The following DMXL1 variants were observed in gnomAD, a reference collection of about 807,000 sequenced individuals.
DMXL1 encodes the protein dmX-like protein 1.
DMXL1 carries 99 observed loss-of-function variants against 319.2 expected under a neutral mutation model. That is an observed-to-expected ratio of 0.31 (90% CI 0.26 to 0.37). The LOEUF (loss-of-function observed/expected upper bound fraction) is 0.37, where lower values mean the gene tolerates loss of function less well. Among genes scored for constraint, DMXL1 ranks in the 10% least tolerant of loss-of-function variants. The pLI is 1.00. For missense variants in DMXL1, 3,745 were observed against 3,595.6 expected (o/e 1.04, Z -1.06); for synonymous variants, 1,385 against 1,235.2 (o/e 1.12, Z -2.54).
intron 42 of DMXL1, among the ~76,000 whole-genome samples, chr5:119,244,094 C>A (rs764483470): frequency 2.6e-5 from 4 of 152,150 alleles, no homozygotes; most frequent in African/African-American, 9.7e-5. Flanking sequence ...ACCAGGGTTC[C>A]TCTCCTGGTG....
intron 30 of DMXL1, among the ~76,000 whole-genome samples, chr5:119,195,396 A>T (rs945912479): frequency 6.6e-6 from 1 of 152,236 alleles, no homozygotes; most frequent in East Asian, 1.9e-4. Flanking sequence ...TGTACGTTCA[A>T]CGGAGTATTA....
At chr5:119,099,782 C>T (rs1349143260) in intron 2 of DMXL1, among the ~76,000 whole-genome samples, 4 of 152,178 alleles carry the variant, frequency 2.6e-5, no homozygotes, top group Middle Eastern at 3.4e-3. Flanking sequence ...GTGGGCAAAT[C>T]GCTTGAGACC....
intron 1 of DMXL1, among the ~76,000 whole-genome samples, chr5:119,072,649 AT>A (rs1245836022): frequency 6.6e-6 from 1 of 152,168 alleles, no homozygotes; most frequent in African/African-American, 2.4e-5. Flanking sequence ...TCTGCTTTTA[AT>A]TTTTCTGTGG....
rs748969543 is a variant in DMXL1 at position 119,071,616 on chromosome 5, A to G, written c.47A>G (p.His16Arg). Reference sequence around the variant, plus strand: ...ACCGGGGCTGTGAACCCTGGCGACCACTGCTTCTCCGTGGGCAGCATTGGC... The same window carrying G: ...ACCGGGGCTGTGAACCCTGGCGACCGCTGCTTCTCCGTGGGCAGCATTGGC... ...VLTGAVNPGD[H>R]CFSVGSIGDQ... Residue 16 changes from histidine to arginine, a missense_variant, in exon 1 of 44, where the codon CAC (histidine) becomes CGC (arginine). Physicochemically the swap from His to Arg is conservative, Grantham distance 29. Transcript: ENST00000539542. 2.3e-5 allele frequency: 37 copies of G among 1,604,502 alleles called. No individual in the cohort carries two copies. The African/African-American group carries it at 3.6e-4, about 16-fold the overall frequency.
At chr5:119,086,992 A>G (rs971892454) in intron 1 of DMXL1, among the ~76,000 whole-genome samples, 2 of 151,924 alleles carry the variant, frequency 1.3e-5, no homozygotes, top group African/African-American at 4.8e-5. Context: ...TTGCTGGTAT[A>G]TGGTTGTTCA....
At chr5:119,229,374 C>G (rs1786224452) in intron 38 of DMXL1, among the ~76,000 whole-genome samples, 1 of 152,078 alleles carries the variant, frequency 6.6e-6, no homozygotes, top group Non-Finnish European at 1.5e-5. Context: ...CAAGAGAAAA[C>G]CAATACTCCA....
At chr5:119,196,260 G>C in intron 30 of DMXL1, 111 bp from the exon 31 acceptor site, 1 of 777,938 alleles carries the variant, frequency 1.3e-6, no homozygotes, top group Non-Finnish European at 2.3e-6. Context: ...TTTCATAGAG[G>C]GGTATGTTCA....
intron 34 of DMXL1, among the ~76,000 whole-genome samples, chr5:119,213,255 AT>A (rs1783111844): frequency 6.6e-6 from 1 of 152,084 alleles, no homozygotes; most frequent in South Asian, 2.1e-4. Context: ...GTCAGCAGTG[AT>A]TTAGCCTAAC....
At chr5:119,131,812 A>C (rs539020874) in intron 10 of DMXL1, among the ~76,000 whole-genome samples, 8 of 152,194 alleles carry the variant, frequency 5.3e-5, no homozygotes, top group African/African-American at 1.9e-4. Context: ...AGTTACTTTT[A>C]ATGCAGAGCC....
chr5:119,149,234 C>G lies in DMXL1; in HGVS notation c.3407C>G (p.Thr1136Arg). Reference sequence around the variant, plus strand: ...AGTAAAGAGAATATCACATCAAACACAAAGCATTTAGTTCACTTAGATTGG... The same window carrying G: ...AGTAAAGAGAATATCACATCAAACAGAAAGCATTTAGTTCACTTAGATTGG... ...LSSKENITSNTKHLVHLDWMS... is the reference protein window; with the variant it reads ...LSSKENITSNRKHLVHLDWMS... Residue 1136 changes from threonine (T) to arginine (R), a missense_variant, in exon 18 of 44, where the codon ACA becomes AGA. Thr to Arg is a moderately conservative substitution (Grantham distance 71). Transcript: ENST00000539542. 2 of 1,613,858 alleles carry G rather than the reference C, an allele frequency of 1.2e-6. No individual in the cohort carries two copies. The highest frequency in any genetic ancestry group is 1.7e-6 in the Non-Finnish European group (2 of 1,179,870).
Position 119,129,369 on chromosome 5 carries a change from T to A in DMXL1, c.1261T>A (p.Ser421Thr). ...QQLRKSFEQPSSEASVEDSNQ... is the reference protein window; with the variant it reads ...QQLRKSFEQPTSEASVEDSNQ... ...ACTTAGAAAAAGTTTTGAACAACCATCTTCTGAGGCCAGTGTAGAAGATTC... is the reference window on the plus strand; with the variant it reads ...ACTTAGAAAAAGTTTTGAACAACCAACTTCTGAGGCCAGTGTAGAAGATTC... The change falls in exon 10 of 44, where the codon TCT becomes ACT. Residue 421 changes from serine (S) to threonine (T), a missense_variant. Ser to Thr is a moderately conservative substitution (Grantham distance 58, BLOSUM62 1). Around this residue, in one of 4 missense-constraint regions of DMXL1, gnomAD observed 2,096 missense variants for 1,985.4 expected, o/e 1.06. Coordinates refer to ENST00000539542, the MANE Select transcript of DMXL1 (RefSeq NM_001290321.3). 1 of 1,613,796 alleles carries A rather than the reference T, an allele frequency of 6.2e-7. No homozygotes were observed. The highest frequency in any genetic ancestry group is 1.1e-5 in the South Asian group (1 of 91,070).
At chr5:119,221,907 A>T (rs1784711227) in intron 37 of DMXL1, among the ~76,000 whole-genome samples, 1 of 151,826 alleles carries the variant, frequency 6.6e-6, no homozygotes, top group Admixed American at 6.6e-5. Context: ...GATTACCTAG[A>T]GATGTGATTC....
chr5:119,231,617 T>C (rs1187680051), intron 38 of DMXL1, among the ~76,000 whole-genome samples: 1 of 152,182 alleles, frequency 6.6e-6, no homozygotes, highest in African/African-American at 2.4e-5. Context: ...CATAGGTACA[T>C]TAAAAATTTA....
At position 119,114,458 on chromosome 5, in the gene DMXL1, ATCTGT is replaced by A; in HGVS notation, c.498-15_498-11del. ...TAGTTTTCATTGCAAATTATTCCTT[ATCTGT>A]TTAATTTACAGAACTGCTTCCCAAG... On this transcript the variant is annotated splice_polypyrimidine_tract_variant and intron_variant, in intron 5 of 43. Transcript: ENST00000539542. The A allele has an allele frequency of 6.4e-7, 1 of 1,553,188 alleles. No individual in the cohort carries two copies. The highest frequency in any genetic ancestry group is 8.8e-7 in the Non-Finnish European group (1 of 1,138,198).
intron 1 of DMXL1, among the ~76,000 whole-genome samples, chr5:119,084,904 T>C (rs113222824): frequency 0.032 from 4,811 of 151,522 alleles, 247 homozygotes; most frequent in African/African-American, 0.11. Flanking sequence ...GTCTTCTGTG[T>C]GGTCATTTTA....
intron 33 of DMXL1, among the ~76,000 whole-genome samples, chr5:119,204,851 A>G (rs1264554581): frequency 1.3e-5 from 2 of 152,226 alleles, no homozygotes; most frequent in African/African-American, 2.4e-5. Flanking sequence ...AGTTGAAGAA[A>G]TAAATTGAAT....
chr5:119,098,086 T>C lies in DMXL1; in HGVS notation c.195T>C (p.Cys65=), dbSNP rs1431061584. ...ATATTCAAGTGGGATGTGTAGACTG[T>C]TCAATGCAACAAGGCAAGGTTTGTA... ...HGNIQVGCVD[C]SMQQGKIAAS... Residue 65 remains cysteine, a synonymous_variant, in exon 2 of 44, where the codon TGT becomes TGC. Transcript: ENST00000539542. 22 of 1,599,880 alleles carry C rather than the reference T, an allele frequency of 1.4e-5. No homozygotes were observed. The highest frequency in any genetic ancestry group is 1.8e-5 in the Non-Finnish European group (21 of 1,176,382).
rs372010476 is a variant in DMXL1, at chr5:119,189,934, T to C, written c.7314+48T>C. Reference sequence around the variant, plus strand: ...CAATATTTTCATAGTCAAATAGAAATGAGAATATCAGAAATAAGTGTCATT... The same window carrying C: ...CAATATTTTCATAGTCAAATAGAAACGAGAATATCAGAAATAAGTGTCATT... On this transcript the variant is annotated intron_variant, in intron 29 of 43. Transcript: ENST00000539542. 189 of 1,531,608 alleles carry C rather than the reference T, an allele frequency of 1.2e-4. 1 individual carries two copies. The highest frequency in any genetic ancestry group is 7.0e-4 in the Middle Eastern group (4 of 5,736). 94.9% of individuals were successfully genotyped at this position (1,531,608 alleles called of 1,614,324 possible).
At position 119,206,690 on chromosome 5, in the gene DMXL1, A is replaced by G. The variant is rs1781804174; in HGVS notation, c.7864-144A>G. On this transcript the variant is annotated intron_variant, in intron 33 of 43. Coordinates refer to ENST00000539542, the MANE Select transcript of DMXL1 (RefSeq NM_001290321.3). ...CTCACACATGCTTCTTATAAGGTGT[A>G]TGAAATTTTGAGAATAGTAACTCCA... 1.3e-5 allele frequency: 7 copies of G among 524,924 alleles called. No homozygotes were observed. In the East Asian group the frequency reaches 1.7e-4, roughly 12 times the overall value. 32.5% of individuals were successfully genotyped at this position (524,924 alleles called of 1,614,324 possible). A position where few individuals can be genotyped will look rare whatever the true frequency, so the allele number is the denominator to read the frequency against.
Sources: gnomAD v4.1 joint callset for allele counts (sites outside exome capture counted in the v4.1 genomes callset) on GRCh38, gnomAD v4.1.1 for gene constraint, gnomAD v4.1.1 regional missense constraint, MANE v1.5 for transcripts, NCBI Gene and HGNC (gene_info 2026-07-23, HGNC 2026-07-21) for gene names.